ADORA2B: variants seen among roughly 807,000 people sequenced by gnomAD.
ADORA2B encodes adenosine A2b receptor, also known as adenosine receptor A2b.
ADORA2B carries 18 observed loss-of-function variants against 20.8 expected under a neutral mutation model. The ratio of observed to expected loss-of-function variants is 0.87; its 90% confidence interval spans 0.60 to 1.29. The LOEUF is 1.29. Among genes scored for constraint, ADORA2B ranks in the 50% most tolerant of loss-of-function variants. The probability of loss-of-function intolerance (pLI) is 0.00; values close to 1 mark genes in which losing one functional copy is unlikely to be tolerated. For missense variants in ADORA2B, 441 were observed against 422.7 expected (o/e 1.04, Z -0.38); for synonymous variants, 179 against 178.3 (o/e 1.00, Z -0.03).
chr17:15,959,293 G>T (rs1254891442), intron 1 of ADORA2B, among the ~76,000 whole-genome samples: 2 of 152,090 alleles, frequency 1.3e-5, no homozygotes, highest in African/African-American at 2.4e-5. Flanking sequence ...GTACATATTT[G>T]TATCTGACTC....
At chr17:15,931,876 C>T in the ADORA2B span, among the ~76,000 whole-genome samples, 2 of 151,744 alleles carry the variant, frequency 1.3e-5, no homozygotes, top group Non-Finnish European at 2.9e-5. Context: ...GGATTACAGG[C>T]ACTCGCTACC....
At chr17:15,954,138 C>A (rs1294414881) in intron 1 of ADORA2B, among the ~76,000 whole-genome samples, 1 of 152,070 alleles carries the variant, frequency 6.6e-6, no homozygotes, top group African/African-American at 2.4e-5. Flanking sequence ...GCCACCACGC[C>A]TGGCTAACTT....
chr17:15,877,876 TGCTGGCTTGG>T, the ADORA2B span, among the ~76,000 whole-genome samples: 39 of 152,158 alleles, frequency 2.6e-4, 1 homozygote, highest in African/African-American at 9.4e-4. Flanking sequence ...CCTTCCCCAC[TGCTGGCTTGG>T]GATTTAGTTT....
intron 1 of ADORA2B, among the ~76,000 whole-genome samples, chr17:15,965,069 C>G (rs1970098730): frequency 6.6e-6 from 1 of 152,136 alleles, no homozygotes; most frequent in South Asian, 2.1e-4. Context: ...CAAAAACAAA[C>G]AAACAAAATT....
At chr17:15,937,855 G>C in the ADORA2B span, among the ~76,000 whole-genome samples, 3 of 152,188 alleles carry the variant, frequency 2.0e-5, no homozygotes, top group South Asian at 2.1e-4. Context: ...TTACAGGCGT[G>C]AGCGACCATG....
At chr17:15,902,633 C>T in the ADORA2B span, among the ~76,000 whole-genome samples, 3 of 152,202 alleles carry the variant, frequency 2.0e-5, no homozygotes, top group Admixed American at 6.5e-5. Flanking sequence ...TTTTTCTCTT[C>T]CATCTGATTT....
the ADORA2B span, among the ~76,000 whole-genome samples, chr17:15,933,934 C>G: frequency 2.0e-5 from 3 of 152,216 alleles, no homozygotes; most frequent in East Asian, 3.9e-4. Context: ...TATTCTTGAT[C>G]TTAGAGGGAA....
chr17:15,867,058 A>T, the ADORA2B span, among the ~76,000 whole-genome samples: 25 of 152,324 alleles, frequency 1.6e-4, no homozygotes, highest in African/African-American at 5.8e-4. Flanking sequence ...AGGTGCCGGG[A>T]TGGCAGACGG....
chr17:15,975,055 A>G lies in ADORA2B; in HGVS notation c.712A>G (p.Met238Val). Residue 238 changes from methionine to valine, a missense_variant, in exon 2 of 2, where the codon ATG (methionine) becomes GTG (valine). Physicochemically the swap from Met to Val is conservative, Grantham distance 21 (BLOSUM62 1). Transcript: ENST00000304222. ...REIHAAKSLAMIVGIFALCWL... is the reference protein window; with the variant it reads ...REIHAAKSLAVIVGIFALCWL... ...GATCCATGCAGCCAAGTCACTGGCC[A>G]TGATTGTGGGGATTTTTGCCCTGTG... The G allele has an allele frequency of 6.2e-7, 1 of 1,614,146 alleles. No homozygotes were observed. Among genetic ancestry groups the G allele is most frequent in the Non-Finnish European group, 8.5e-7 (1 of 1,180,016 alleles).
chr17:15,890,846 A>G, the ADORA2B span, among the ~76,000 whole-genome samples: 1 of 152,222 alleles, frequency 6.6e-6, no homozygotes, highest in Non-Finnish European at 1.5e-5. Flanking sequence ...TGCTATGAAG[A>G]GAGGGGACCC....
chr17:15,885,277 G>C, the ADORA2B span, among the ~76,000 whole-genome samples: 1 of 152,028 alleles, frequency 6.6e-6, no homozygotes, highest in Non-Finnish European at 1.5e-5. Context: ...TTTTCTTCTT[G>C]TAAATTTGTT....
At chr17:15,906,362 TATAATC>T in the ADORA2B span, among the ~76,000 whole-genome samples, 2 of 152,256 alleles carry the variant, frequency 1.3e-5, no homozygotes, top group South Asian at 4.1e-4. Context: ...CATCTGTTGA[TATAATC>T]ATATGGTTTT....
At chr17:15,913,573 T>TTAC in the ADORA2B span, among the ~76,000 whole-genome samples, 1 of 152,252 alleles carries the variant, frequency 6.6e-6, no homozygotes, top group Non-Finnish European at 1.5e-5. Flanking sequence ...CTATCACTTA[T>TTAC]GGTATCATGA....
intron 1 of ADORA2B, among the ~76,000 whole-genome samples, chr17:15,955,218 G>A (rs1342451596): frequency 6.6e-6 from 1 of 151,980 alleles, no homozygotes; most frequent in African/African-American, 2.4e-5. Context: ...TACACAGAGG[G>A]CCAACTTTTC....
chr17:15,914,191 A>G, the ADORA2B span, among the ~76,000 whole-genome samples: 1 of 152,170 alleles, frequency 6.6e-6, no homozygotes, highest in Admixed American at 6.5e-5. Context: ...AAGAAAAAAT[A>G]AGGTTAATTC....
At chr17:15,855,391 T>G in the ADORA2B span, among the ~76,000 whole-genome samples, 2 of 152,034 alleles carry the variant, frequency 1.3e-5, no homozygotes, top group African/African-American at 2.4e-5. Flanking sequence ...GTGCTTGGCC[T>G]CTTGTGTAAC....
chr17:15,863,219 A>T, the ADORA2B span, among the ~76,000 whole-genome samples: 1 of 152,220 alleles, frequency 6.6e-6, no homozygotes. Context: ...CTGATATTTT[A>T]TCTTTCATAG....
At chr17:15,916,807 C>A in the ADORA2B span, among the ~76,000 whole-genome samples, 1 of 152,152 alleles carries the variant, frequency 6.6e-6, no homozygotes. Flanking sequence ...GGGGTTGTGG[C>A]ACCAGTGAAT....
intron 1 of ADORA2B, among the ~76,000 whole-genome samples, chr17:15,949,278 C>G (rs7213464): frequency 0.9 from 136,445 of 152,146 alleles, 62,652 homozygotes; most frequent in Non-Finnish European, 0.99. Flanking sequence ...TTTGGGAGGC[C>G]AAGGCGAATA....
Sources: gnomAD v4.1 joint callset for allele counts (sites outside exome capture counted in the v4.1 genomes callset) on GRCh38, gnomAD v4.1.1 for gene constraint, MANE v1.5 for transcripts, NCBI Gene and HGNC (gene_info 2026-07-23, HGNC 2026-07-21) for gene names.